PDE4D: variants seen among roughly 807,000 people sequenced by gnomAD.
PDE4D encodes the protein 3',5'-cyclic-AMP phosphodiesterase 4D.
In PDE4D, 24 loss-of-function variants were observed where a neutral mutation model predicts 87.4. The ratio of observed to expected loss-of-function variants is 0.27; its 90% CI spans 0.20 to 0.39. PDE4D has a LOEUF of 0.39. Ranked by LOEUF, PDE4D falls within the 10% of genes least tolerant of loss-of-function variation. PDE4D has a pLI of 1.00. For synonymous variants in PDE4D, 384 were observed against 383.2 expected, an observed-to-expected ratio of 1.00 and a Z score of -0.02; for missense variants, 714 against 1,041.0, an observed-to-expected ratio of 0.69 and a Z score of 4.32.
At chr5:59,225,071 C>T (rs1581472444) in intron 1 of PDE4D, among the ~76,000 whole-genome samples, 1 of 152,286 alleles carries the variant, frequency 6.6e-6, no homozygotes, top group East Asian at 1.9e-4. Flanking sequence ...TCTAAGAAAG[C>T]ATCTCAAATT....
intron 5 of PDE4D, among the ~76,000 whole-genome samples, chr5:59,146,434 T>C (rs1174871757): frequency 6.6e-6 from 1 of 152,160 alleles, no homozygotes; most frequent in Non-Finnish European, 1.5e-5. Flanking sequence ...TAAAATATTT[T>C]CAATTAAAAA....
At position 59,850,391 on chromosome 5, in the gene PDE4D, T is replaced by A. The variant is rs1177329956; in HGVS notation, c.455+42777A>T. On this transcript the variant is annotated intron_variant, in intron 1 of 14. Coordinates refer to ENST00000340635, the MANE Select transcript of PDE4D (RefSeq NM_001104631.2). ...GGAGTGCCCATTTGTAAAATGAGCA[T>A]GGTAATAAGATTTACCACAAAGGGT... Among the ~76,000 whole-genome samples, 5 of 152,186 alleles carry A rather than the reference T, an allele frequency of 3.3e-5. No homozygotes were observed. In the East Asian group the frequency reaches 9.7e-4, roughly 29 times the overall value.
Position 60,318,892 on chromosome 5 carries a change from A to G in PDE4D, c.-89-133205T>C, listed in dbSNP as rs572479431. Among the ~76,000 whole-genome samples, 7 of 152,214 alleles carry G rather than the reference A, an allele frequency of 4.6e-5. No homozygotes were observed. The East Asian group carries it at 1.4e-3, about 29-fold the overall frequency. ...TGGGCTTCCCTTTGTGGGTAACCCGACCTTCCTCTCTGGCTGCCCTTAACA... is the reference window on the plus strand; with the variant it reads ...TGGGCTTCCCTTTGTGGGTAACCCGGCCTTCCTCTCTGGCTGCCCTTAACA... On this transcript the variant is annotated intron_variant, in intron 1 of 16. Coordinates refer to the PDE4D transcript ENST00000502484.
intron 1 of PDE4D, among the ~76,000 whole-genome samples, chr5:60,380,665 C>T (rs970373106): frequency 4.6e-5 from 7 of 152,104 alleles, no homozygotes; most frequent in African/African-American, 9.7e-5. Context: ...GTTAGCGCAG[C>T]GTAACATCCT....
intron 1 of PDE4D, among the ~76,000 whole-genome samples, chr5:59,220,646 C>A (rs1289940470): frequency 2.6e-5 from 4 of 151,810 alleles, no homozygotes; most frequent in African/African-American, 9.7e-5. Context: ...TCAGTTTGGG[C>A]TGAAATTATA....
In PDE4D at chr5:59,286,114, C is replaced by T. The variant is rs554752421; in HGVS notation, c.456-70146G>A. Among the ~76,000 whole-genome samples the T allele has an allele frequency of 3.3e-5, 5 of 152,272 alleles. No homozygotes were observed. The South Asian group carries it at 8.3e-4, about 25-fold the overall frequency. ...TGTACTGGATGAGAGGACCGAAGGG[C>T]ACTAAGTGCTTCCCCTACAAGTTCA... is the stretch of plus-strand genomic sequence containing the variant. On this transcript the variant is annotated intron_variant, in intron 1 of 14. Transcript: ENST00000340635.
chr5:59,413,457 CAAAAAAAAAAA>C (rs34074485), intron 1 of PDE4D, among the ~76,000 whole-genome samples: 1 of 54,410 alleles, frequency 1.8e-5, no homozygotes, highest in African/African-American at 8.3e-5. Context: ...GACTCCATCT[CAAAAAAAAAAA>C]AAAAAAAAAA....
At chr5:59,822,814 C>T (rs2152690058) in intron 1 of PDE4D, among the ~76,000 whole-genome samples, 1 of 152,302 alleles carries the variant, frequency 6.6e-6, no homozygotes, top group East Asian at 1.9e-4. Context: ...TCAAATATGA[C>T]AGTCAAGTTC....
At chr5:60,207,440 A>T (rs1742678534) in intron 1 of PDE4D, among the ~76,000 whole-genome samples, 1 of 152,202 alleles carries the variant, frequency 6.6e-6, no homozygotes, top group African/African-American at 2.4e-5. Flanking sequence ...CTAACAGAGG[A>T]TGAATAACAT....
intron 1 of PDE4D, among the ~76,000 whole-genome samples, chr5:59,460,889 T>C (rs1162276132): frequency 1.3e-5 from 2 of 152,322 alleles, no homozygotes; most frequent in South Asian, 2.1e-4. Context: ...TCCTCTCTTC[T>C]AGCCAACACT....
chr5:60,509,523 C>T (rs1750476403), intron 1 of PDE4D, among the ~76,000 whole-genome samples: 1 of 152,154 alleles, frequency 6.6e-6, no homozygotes, highest in Non-Finnish European at 1.5e-5. Context: ...ATTTTCTCTC[C>T]ATTCAACTAT....
intron 1 of PDE4D, among the ~76,000 whole-genome samples, chr5:60,412,348 G>C (rs930356339): frequency 3.3e-5 from 5 of 152,180 alleles, no homozygotes; most frequent in Admixed American, 2.0e-4. Context: ...TCACTTGAAA[G>C]AGCAATCCAG....
chr5:60,280,329 T>C (rs1479399617), intron 1 of PDE4D, among the ~76,000 whole-genome samples: 1 of 143,504 alleles, frequency 7.0e-6, no homozygotes, highest in Non-Finnish European at 1.5e-5. Flanking sequence ...TATATATAAA[T>C]ATATATACAC....
intron 1 of PDE4D, among the ~76,000 whole-genome samples, chr5:59,226,855 C>CTT (rs143154289): frequency 2.6e-5 from 4 of 151,212 alleles, no homozygotes; most frequent in Non-Finnish European, 4.4e-5. Context: ...CGGAAAGTGT[C>CTT]TTTTTTTTTG....
At chr5:60,410,433 C>G (rs527716107) in intron 1 of PDE4D, among the ~76,000 whole-genome samples, 58 of 152,300 alleles carry the variant, frequency 3.8e-4, no homozygotes, top group African/African-American at 1.4e-3. Context: ...TTCCTAGAGA[C>G]AGAGCATTAT....
intron 1 of PDE4D, among the ~76,000 whole-genome samples, chr5:59,339,688 C>T (rs1778369244): frequency 6.6e-6 from 1 of 152,096 alleles, no homozygotes; most frequent in Non-Finnish European, 1.5e-5. Context: ...GTCACACAGA[C>T]CTGAATTCCT....
At chr5:60,234,283 C>A (rs985007649) in intron 1 of PDE4D, among the ~76,000 whole-genome samples, 2 of 151,698 alleles carry the variant, frequency 1.3e-5, no homozygotes, top group African/African-American at 4.8e-5. Context: ...TACTTTATTT[C>A]TTTTTATTTC....
chr5:59,999,920 T>C (rs999914126), intron 2 of PDE4D, among the ~76,000 whole-genome samples: 1 of 151,930 alleles, frequency 6.6e-6, no homozygotes, highest in East Asian at 1.9e-4. Flanking sequence ...TGGAGATGAA[T>C]ACAGTAATTG....
At chr5:60,265,554 C>A (rs972675031) in intron 1 of PDE4D, among the ~76,000 whole-genome samples, 3 of 152,156 alleles carry the variant, frequency 2.0e-5, no homozygotes, top group Non-Finnish European at 4.4e-5. Flanking sequence ...TAATTCCAAG[C>A]CTTAACCTGA....
Sources: gnomAD v4.1 joint callset for allele counts (sites outside exome capture counted in the v4.1 genomes callset) on GRCh38, gnomAD v4.1.1 for gene constraint, MANE v1.5 for transcripts, NCBI Gene and HGNC (gene_info 2026-07-23, HGNC 2026-07-21) for gene names.